RWDD4: variants seen among roughly 807,000 people sequenced by gnomAD.
RWDD4 encodes RWD domain-containing protein 4.
Under a neutral mutation model 30.0 loss-of-function variants are expected in RWDD4, and 16 were observed. The observed-to-expected ratio is 0.53, with a 90% CI of 0.36 to 0.81. The LOEUF is 0.81. Ranked by LOEUF, RWDD4 falls within the 30% of genes least tolerant of loss-of-function variation. RWDD4 has a pLI of 0.00. For missense variants in RWDD4, 170 were observed against 223.9 expected (o/e 0.76, Z 1.54); for synonymous variants, 45 against 72.1 (o/e 0.62, Z 1.90).
intron 1 of RWDD4, among the ~76,000 whole-genome samples, chr4:183,656,891 T>C (rs1370415462): frequency 6.6e-6 from 1 of 152,080 alleles, no homozygotes; most frequent in Non-Finnish European, 1.5e-5. Context: ...CCAGGTGTGG[T>C]GATGGGCGCC....
chr4:183,648,529 T>C (rs968062788), intron 5 of RWDD4, among the ~76,000 whole-genome samples: 2 of 152,236 alleles, frequency 1.3e-5, no homozygotes. Context: ...TTAGAACATA[T>C]GAGAATTCTA....
chr4:183,654,085 TCAAA>T (rs1181186528), intron 2 of RWDD4, among the ~76,000 whole-genome samples: 2 of 151,748 alleles, frequency 1.3e-5, no homozygotes, highest in Admixed American at 6.6e-5. Context: ...GAGAGAAAGA[TCAAA>T]CAATGTGTGC....
chr4:183,655,395 C>T (rs1734168520), intron 2 of RWDD4, among the ~76,000 whole-genome samples: 1 of 151,948 alleles, frequency 6.6e-6, no homozygotes, highest in African/African-American at 2.4e-5. Flanking sequence ...CATTCTCCTG[C>T]CTCAGCCTCC....
chr4:183,655,033 TG>T lies in RWDD4; in HGVS notation c.105+847del, dbSNP rs535950560. ...TCTGCTCACTGGAACCTCCGCCTCC[TG>T]GGTTCAAGTGATTCTCCTGCCTCAG... On this transcript the variant is annotated intron_variant, in intron 2 of 7. Coordinates refer to ENST00000326397, the MANE Select transcript of RWDD4 (RefSeq NM_152682.4). Among the ~76,000 whole-genome samples, 109 of 151,950 alleles carry T rather than the reference TG, an allele frequency of 7.2e-4. No individual in the cohort carries two copies. The East Asian group carries it at 0.018, about 25-fold the overall frequency.
intron 2 of RWDD4, among the ~76,000 whole-genome samples, chr4:183,652,068 C>T (rs1192208590): frequency 6.6e-6 from 1 of 152,112 alleles, no homozygotes; most frequent in Non-Finnish European, 1.5e-5. Context: ...TTTGCTTAAA[C>T]ATCTAACAGT....
chr4:183,658,338 C>A (rs181221640), intron 1 of RWDD4, among the ~76,000 whole-genome samples: 2 of 152,262 alleles, frequency 1.3e-5, no homozygotes, highest in Non-Finnish European at 2.9e-5. Flanking sequence ...GTAGCACCCA[C>A]CCCCCAACTC....
Position 183,646,332 on chromosome 4 carries a change from G to A in RWDD4, c.534+19C>T. 1 of 919,314 alleles carries A rather than the reference G, an allele frequency of 1.1e-6. No individual in the cohort carries two copies. Among genetic ancestry groups the A allele is most frequent in the Non-Finnish European group, 1.8e-6 (1 of 550,258 alleles). The allele number at this position is 919,314 out of a possible 1,614,324, so 56.9% of individuals were successfully genotyped here. A position where few individuals can be genotyped will look rare whatever the true frequency, so the allele number is the denominator to read the frequency against. On this transcript the variant is annotated intron_variant, in intron 7 of 7. Transcript: ENST00000326397. ...TGCAGGGAAAAGAAGAATGTAAAAGGTATTTCAAAAATACTTACATGCTGA... is the reference window on the plus strand; with the variant it reads ...TGCAGGGAAAAGAAGAATGTAAAAGATATTTCAAAAATACTTACATGCTGA...
At chr4:183,648,825 G>A (rs2111237889) in intron 5 of RWDD4, among the ~76,000 whole-genome samples, 1 of 151,982 alleles carries the variant, frequency 6.6e-6, no homozygotes, top group Non-Finnish European at 1.5e-5. Context: ...CTCTTGTGAT[G>A]AAGTAGTAGT....
At chr4:183,643,982 A>C (rs1733918611) in intron 7 of RWDD4, among the ~76,000 whole-genome samples, 1 of 152,224 alleles carries the variant, frequency 6.6e-6, no homozygotes, top group Admixed American at 6.5e-5. Context: ...ATTACTGGTA[A>C]TTTGAATTTT....
chr4:183,645,966 G>A (rs1239756463), intron 7 of RWDD4, among the ~76,000 whole-genome samples: 2 of 152,120 alleles, frequency 1.3e-5, no homozygotes, highest in Admixed American at 1.3e-4. Flanking sequence ...GCAGTGGCAC[G>A]ATCTCAGCTT....
At chr4:183,656,131 C>G in intron 1 of RWDD4, 170 bp from the exon 2 acceptor site, 1 of 539,082 alleles carries the variant, frequency 1.9e-6, no homozygotes, top group Non-Finnish European at 3.3e-6. Context: ...AATATTACTA[C>G]CAATGATACT....
intron 2 of RWDD4, among the ~76,000 whole-genome samples, chr4:183,654,664 A>G (rs1421004682): frequency 6.6e-6 from 1 of 152,184 alleles, no homozygotes; most frequent in Non-Finnish European, 1.5e-5. Flanking sequence ...CCATTTGCTA[A>G]GGAGAGAGTA....
chr4:183,651,175 C>T (rs1734067644), intron 3 of RWDD4, 43 bp downstream of exon 3: 2 of 1,605,198 alleles, frequency 1.2e-6, no homozygotes, highest in Admixed American at 1.7e-5. Flanking sequence ...AAAAGTATAA[C>T]AGAGAGTGAA....
At chr4:183,656,981 G>C in intron 1 of RWDD4, among the ~76,000 whole-genome samples, 1 of 152,310 alleles carries the variant, frequency 6.6e-6, no homozygotes, top group South Asian at 2.1e-4. Context: ...AGCCGAGATC[G>C]GGCCACTGCA....
intron 2 of RWDD4, among the ~76,000 whole-genome samples, chr4:183,654,938 T>C (rs1331747219): frequency 6.6e-6 from 1 of 152,058 alleles, no homozygotes; most frequent in Non-Finnish European, 1.5e-5. Context: ...TTATAATTAT[T>C]TGTGTGTTTT....
chr4:183,646,688 G>A, intron 5 of RWDD4, 151 bp from the exon 6 acceptor site: 5 of 637,114 alleles, frequency 7.8e-6, no homozygotes, highest in South Asian at 2.8e-5. Flanking sequence ...ATTATGAATC[G>A]ATACTGTTCT....
intron 7 of RWDD4, among the ~76,000 whole-genome samples, chr4:183,642,318 T>C (rs1206397581): frequency 6.3e-4 from 79 of 125,134 alleles, no homozygotes; most frequent in African/African-American, 2.4e-3. Flanking sequence ...GCCTCCCAAG[T>C]AGCTGGGACT....
chr4:183,648,201 C>A (rs1357147605), intron 5 of RWDD4, among the ~76,000 whole-genome samples: 1 of 145,600 alleles, frequency 6.9e-6, no homozygotes. Flanking sequence ...CGCGCCACTG[C>A]ACTCCAGCCT....
At position 183,657,799 on chromosome 4, in the gene RWDD4, A is replaced by C. The variant is rs184987335; in HGVS notation, c.24+1130T>G. Among the ~76,000 whole-genome samples, 201 of 152,360 alleles carry C rather than the reference A, an allele frequency of 1.3e-3. 1 individual carries two copies. Among genetic ancestry groups the C allele is most frequent in the African/African-American group, 4.7e-3 (194 of 41,576 alleles). ...AGAAGGTCTGAGAAACTGGGCAGGA[A>C]ACTATCTTCAAAGATCAGAACATCG... is the stretch of plus-strand genomic sequence containing the variant. On this transcript the variant is annotated intron_variant, in intron 1 of 7. Transcript: ENST00000326397.
Sources: allele counts gnomAD v4.1 joint callset (sites outside exome capture counted in the v4.1 genomes callset), GRCh38; gene constraint gnomAD v4.1.1; transcripts MANE v1.5; gene names NCBI Gene and HGNC (gene_info 2026-07-23, HGNC 2026-07-21).